The following COL24A1 variants were observed in gnomAD, a reference collection of about 807,000 sequenced individuals.
COL24A1 encodes collagen type XXIV alpha 1 chain.
COL24A1 carries 224 observed loss-of-function variants against 253.9 expected under a neutral mutation model. The ratio of observed to expected loss-of-function variants is 0.88; its 90% confidence interval spans 0.79 to 0.99. The LOEUF (loss-of-function observed/expected upper bound fraction) is 0.99. Ranked by LOEUF, COL24A1 falls within the 50% of genes least tolerant of loss-of-function variation. The pLI, the probability that COL24A1 is intolerant of heterozygous loss-of-function variation, is 0.00. For synonymous variants in COL24A1, 685 were observed against 673.7 expected (o/e 1.02, Z -0.26); for missense variants, 2,131 against 2,068.5 (o/e 1.03, Z -0.59).
chr1:85,780,248 T>C (rs1325605460), intron 52 of COL24A1, among the ~76,000 whole-genome samples: 1 of 152,190 alleles, frequency 6.6e-6, no homozygotes, highest in Non-Finnish European at 1.5e-5. Flanking sequence ...AGAATAGTGG[T>C]ACTAAACACT....
chr1:85,824,569 TG>T (rs1433777572), intron 43 of COL24A1, among the ~76,000 whole-genome samples: 1 of 152,172 alleles, frequency 6.6e-6, no homozygotes, highest in Non-Finnish European at 1.5e-5. Context: ...GAGCAGTTAC[TG>T]GGAGGTATTA....
At chr1:86,001,134 C>G (rs1381967060) in intron 19 of COL24A1, among the ~76,000 whole-genome samples, 1 of 152,156 alleles carries the variant, frequency 6.6e-6, no homozygotes, top group African/African-American at 2.4e-5. Context: ...ATGCACTGAT[C>G]TTTTCACTTC....
chr1:85,844,371 G>A (rs1676944177), intron 39 of COL24A1, among the ~76,000 whole-genome samples: 1 of 152,008 alleles, frequency 6.6e-6, no homozygotes, highest in South Asian at 2.1e-4. Context: ...GTAAATGATG[G>A]TAAAAACACA....
chr1:85,781,336 G>A, intron 51 of COL24A1, 63 bp from the exon 52 acceptor site: 79 of 1,101,412 alleles, frequency 7.2e-5, no homozygotes, highest in Non-Finnish European at 9.1e-5. Context: ...AAACTCCACA[G>A]AATCTCTTGT....
At chr1:85,885,081 T>C (rs2102694862) in intron 32 of COL24A1, among the ~76,000 whole-genome samples, 1 of 152,312 alleles carries the variant, frequency 6.6e-6, no homozygotes, top group Non-Finnish European at 1.5e-5. Flanking sequence ...CTTGTAACCT[T>C]AATTCTCTGA....
At position 86,153,059 on chromosome 1, in the gene COL24A1, C is replaced by A. The variant is rs1395709; in HGVS notation, c.56+3282G>T. 9.9e-5 allele frequency among the ~76,000 whole-genome samples: 15 copies of A among 152,278 alleles called. 1 individual carries two copies. In the South Asian group the frequency reaches 3.1e-3, roughly 32 times the overall value. Reference sequence around the variant, plus strand: ...ATGTGTACTCCAACCAACTTCATTTCTTTCAGGCCCTCAAATGCACTGTGC... The same window carrying A: ...ATGTGTACTCCAACCAACTTCATTTATTTCAGGCCCTCAAATGCACTGTGC... On this transcript the variant is annotated intron_variant, in intron 1 of 59. Transcript: ENST00000370571.
intron 28 of COL24A1, among the ~76,000 whole-genome samples, chr1:85,906,424 C>A (rs1182886781): frequency 1.3e-5 from 2 of 151,638 alleles, no homozygotes; most frequent in African/African-American, 2.4e-5. Context: ...CCCTGATATT[C>A]CATATGGTAT....
chr1:85,812,558 G>A (rs991434462), intron 47 of COL24A1, among the ~76,000 whole-genome samples: 8 of 152,210 alleles, frequency 5.3e-5, no homozygotes, highest in African/African-American at 1.9e-4. Context: ...CACTGGCTAA[G>A]AGTTTGGCCA....
At chr1:85,885,261 C>T (rs1001051996) in intron 32 of COL24A1, among the ~76,000 whole-genome samples, 2 of 151,514 alleles carry the variant, frequency 1.3e-5, no homozygotes, top group Middle Eastern at 3.2e-3. Context: ...AGTGCAGTGG[C>T]GCGATCTCGG....
intron 20 of COL24A1, among the ~76,000 whole-genome samples, chr1:85,984,802 C>T (rs1047053921): frequency 6.6e-6 from 1 of 151,800 alleles, no homozygotes; most frequent in Non-Finnish European, 1.5e-5. Context: ...TCATCCCCAT[C>T]CTCCAAAACT....
At chr1:85,755,566 A>G (rs1666151633) in intron 55 of COL24A1, among the ~76,000 whole-genome samples, 1 of 152,180 alleles carries the variant, frequency 6.6e-6, no homozygotes, top group African/African-American at 2.4e-5. Flanking sequence ...TCCAGAAATA[A>G]ACCTTCTCAT....
chr1:86,144,925 A>C (rs1422463023), intron 2 of COL24A1, among the ~76,000 whole-genome samples: 19 of 152,132 alleles, frequency 1.2e-4, no homozygotes, highest in Non-Finnish European at 4.4e-5. Flanking sequence ...TAAGAGAGAG[A>C]GTTTTTCTCC....
chr1:85,923,553 C>A (rs1185110901), intron 24 of COL24A1, among the ~76,000 whole-genome samples: 1 of 152,162 alleles, frequency 6.6e-6, no homozygotes, highest in Non-Finnish European at 1.5e-5. Context: ...AACTGAACAA[C>A]CAGCTCCTGA....
intron 8 of COL24A1, among the ~76,000 whole-genome samples, chr1:86,062,942 A>G (rs944341866): frequency 1.3e-5 from 2 of 152,002 alleles, no homozygotes; most frequent in Non-Finnish European, 2.9e-5. Context: ...TTCTTCCTGG[A>G]TCTCCCTTTA....
At chr1:85,945,721 G>C (rs1689265694) in intron 24 of COL24A1, among the ~76,000 whole-genome samples, 1 of 150,596 alleles carries the variant, frequency 6.6e-6, no homozygotes, top group Non-Finnish European at 1.5e-5. Flanking sequence ...GAGATGAAGG[G>C]ACCCACCTTC....
At chr1:86,005,075 G>A (rs927342952) in intron 19 of COL24A1, among the ~76,000 whole-genome samples, 1 of 152,030 alleles carries the variant, frequency 6.6e-6, no homozygotes, top group Non-Finnish European at 1.5e-5. Context: ...GAGGGTGAGG[G>A]GAATGTAAAA....
chr1:86,033,951 A>T lies in COL24A1; in HGVS notation c.1951-28T>A, dbSNP rs938249242. 3 of 1,544,246 alleles carry T rather than the reference A, an allele frequency of 1.9e-6. No homozygotes were observed. The African/African-American group carries it at 4.2e-5, about 22-fold the overall frequency. ...GTCACAGGGAAAGAGGAAGAATGCC[A>T]ACATATATAAATAATTCATTTTTGC... On this transcript the variant is annotated intron_variant, in intron 12 of 59. Transcript: ENST00000370571.
chr1:85,966,714 T>C lies in COL24A1; in HGVS notation c.2464-1652A>G, dbSNP rs376940652. On this transcript the variant is annotated intron_variant, in intron 22 of 59. Coordinates refer to ENST00000370571, the MANE Select transcript of COL24A1 (RefSeq NM_152890.7). ...TTGAGTAATAAGAGGACTTTGAGGA[T>C]TGAGAAATGATAATTGGATCCAGCA... is the stretch of plus-strand genomic sequence containing the variant. Among the ~76,000 whole-genome samples, 141 of 152,200 alleles carry C rather than the reference T, an allele frequency of 9.3e-4. 1 individual carries two copies. The highest frequency in any genetic ancestry group is 3.3e-3 in the African/African-American group (137 of 41,550).
At chr1:85,860,719 C>A (rs934451083) in intron 37 of COL24A1, among the ~76,000 whole-genome samples, 1 of 152,082 alleles carries the variant, frequency 6.6e-6, no homozygotes, top group Non-Finnish European at 1.5e-5. Context: ...CTAGCCTGGG[C>A]GACAGAGCAA....
Sources: allele counts gnomAD v4.1 joint callset (sites outside exome capture counted in the v4.1 genomes callset), GRCh38; gene constraint gnomAD v4.1.1; transcripts MANE v1.5; gene names NCBI Gene and HGNC (gene_info 2026-07-23, HGNC 2026-07-21).